CSMD1: variants seen among roughly 807,000 people sequenced by gnomAD.
CSMD1 encodes CUB and Sushi multiple domains 1.
Under a neutral mutation model 417.5 loss-of-function variants are expected in CSMD1, and 213 were observed. That is an observed-to-expected ratio of 0.51 (90% CI 0.46 to 0.57). CSMD1 has a LOEUF of 0.57. CSMD1 is among the 20% of genes least tolerant of loss of function. CSMD1 has a pLI of 0.00. For synonymous variants in CSMD1, 2,862 were observed against 1,736.8 expected (o/e 1.65, Z -16.11); for missense variants, 6,923 against 4,529.7 (o/e 1.53, Z -15.17).
chr8:4,042,407 C>T (rs780865420), intron 3 of CSMD1, among the ~76,000 whole-genome samples: 4 of 151,928 alleles, frequency 2.6e-5, no homozygotes, highest in African/African-American at 4.8e-5. Context: ...ACTGAAATAA[C>T]GAATAAGCAA....
intron 32 of CSMD1, among the ~76,000 whole-genome samples, chr8:3,201,189 C>T (rs1289043030): frequency 5.9e-5 from 9 of 152,050 alleles, no homozygotes; most frequent in Non-Finnish European, 1.3e-4. Flanking sequence ...CATGTGAACA[C>T]GTGTACATGT....
intron 39 of CSMD1, among the ~76,000 whole-genome samples, chr8:3,154,544 G>A (rs1819399902): frequency 6.6e-6 from 1 of 152,026 alleles, no homozygotes; most frequent in African/African-American, 2.4e-5. Context: ...TCTTGGTTTT[G>A]GCGGGAGAAA....
intron 23 of CSMD1, among the ~76,000 whole-genome samples, chr8:3,328,389 T>C (rs1231889227): frequency 1.3e-5 from 2 of 152,230 alleles, no homozygotes; most frequent in African/African-American, 4.8e-5. Context: ...TTACAGTTTA[T>C]CCACCTATCA....
At chr8:3,829,609 G>C (rs1023934495) in intron 5 of CSMD1, among the ~76,000 whole-genome samples, 4 of 152,132 alleles carry the variant, frequency 2.6e-5, no homozygotes, top group African/African-American at 9.7e-5. Context: ...CCCCTCAGGA[G>C]AGCTGAAGAA....
rs544080076 is a variant in CSMD1 at position 3,666,733 on chromosome 8, G to A, written c.1009+41681C>T. ...TATAAGGGGAAACCCCTTTGGCTTGGCTCTCATTCTGTCTTCTATGCCTCC... is the reference window on the plus strand; with the variant it reads ...TATAAGGGGAAACCCCTTTGGCTTGACTCTCATTCTGTCTTCTATGCCTCC... On this transcript the variant is annotated intron_variant, in intron 7 of 69. Coordinates refer to ENST00000635120, the MANE Select transcript of CSMD1 (RefSeq NM_033225.6). Among the ~76,000 whole-genome samples, 16 of 152,254 alleles carry A rather than the reference G, an allele frequency of 1.1e-4. 1 individual carries two copies. The South Asian group carries it at 2.7e-3, about 26-fold the overall frequency.
chr8:4,837,349 G>T (rs1006750604), intron 1 of CSMD1, among the ~76,000 whole-genome samples: 15 of 152,192 alleles, frequency 9.9e-5, no homozygotes, highest in Non-Finnish European at 1.9e-4. Context: ...AGCAACCTAA[G>T]TGTCCATCAA....
chr8:3,403,468 A>G (rs1241301413), intron 15 of CSMD1, among the ~76,000 whole-genome samples: 1 of 152,176 alleles, frequency 6.6e-6, no homozygotes. Context: ...GTAGACTTTT[A>G]ACATCTTTTC....
intron 1 of CSMD1, among the ~76,000 whole-genome samples, chr8:4,683,494 G>C (rs1806172873): frequency 6.6e-6 from 1 of 152,130 alleles, no homozygotes; most frequent in Admixed American, 6.5e-5. Flanking sequence ...GTGGACAACA[G>C]GGGAGGCTAT....
intron 3 of CSMD1, among the ~76,000 whole-genome samples, chr8:4,059,986 G>A (rs995830422): frequency 1.3e-5 from 2 of 152,128 alleles, no homozygotes; most frequent in South Asian, 2.1e-4. Context: ...CAGAGACACA[G>A]CCAAAAAAGA....
chr8:3,935,553 G>T (rs921608977), intron 5 of CSMD1, among the ~76,000 whole-genome samples: 1 of 152,100 alleles, frequency 6.6e-6, no homozygotes. Context: ...CAGGCTTCTA[G>T]GTATATGATT....
intron 3 of CSMD1, among the ~76,000 whole-genome samples, chr8:4,275,176 G>T (rs1335359423): frequency 1.3e-5 from 2 of 151,892 alleles, no homozygotes; most frequent in Non-Finnish European, 2.9e-5. Flanking sequence ...ATTTTCTGGG[G>T]TTTTTTCTTT....
chr8:4,178,719 C>T (rs1470202616), intron 3 of CSMD1, among the ~76,000 whole-genome samples: 1 of 152,158 alleles, frequency 6.6e-6, no homozygotes, highest in African/African-American at 2.4e-5. Flanking sequence ...AGCTGATAGG[C>T]AACTTCAGCA....
intron 8 of CSMD1, among the ~76,000 whole-genome samples, chr8:3,596,449 C>T (rs557166043): frequency 3.0e-4 from 46 of 152,204 alleles, no homozygotes; most frequent in South Asian, 6.2e-4. Flanking sequence ...CAGATGAGAA[C>T]GAGAGACTCA....
chr8:4,893,862 T>G (rs183981629), intron 1 of CSMD1, among the ~76,000 whole-genome samples: 107 of 152,208 alleles, frequency 7.0e-4, no homozygotes, highest in Admixed American at 1.8e-3. Context: ...CTTACCCCTT[T>G]TTTCCCCAAA....
At chr8:3,935,834 C>G (rs1196430496) in intron 5 of CSMD1, among the ~76,000 whole-genome samples, 4 of 152,112 alleles carry the variant, frequency 2.6e-5, no homozygotes, top group African/African-American at 7.2e-5. Context: ...TCACATGTCT[C>G]TATCACTTTA....
At chr8:3,516,583 G>A (rs1585288995) in intron 10 of CSMD1, among the ~76,000 whole-genome samples, 3 of 152,176 alleles carry the variant, frequency 2.0e-5, no homozygotes, top group South Asian at 2.1e-4. Context: ...AGTGGCCACA[G>A]AAATTTACTC....
chr8:3,839,727 C>G (rs1802992675), intron 5 of CSMD1, among the ~76,000 whole-genome samples: 1 of 149,938 alleles, frequency 6.7e-6, no homozygotes, highest in Admixed American at 6.8e-5. Context: ...CTTTAAAGCA[C>G]TTCGCTTGCT....
At chr8:4,197,611 G>T (rs151142716) in intron 3 of CSMD1, among the ~76,000 whole-genome samples, 1 of 152,312 alleles carries the variant, frequency 6.6e-6, no homozygotes, top group African/African-American at 2.4e-5. Flanking sequence ...GGACATGGTG[G>T]CTCATGCCTG....
chr8:3,490,288 T>C (rs867363091), intron 11 of CSMD1, among the ~76,000 whole-genome samples: 2 of 152,320 alleles, frequency 1.3e-5, no homozygotes, highest in Middle Eastern at 6.8e-3. Flanking sequence ...ATTCAAGCTA[T>C]TGAGAGAAGG....
Sources: allele counts gnomAD v4.1 joint callset (sites outside exome capture counted in the v4.1 genomes callset), GRCh38; gene constraint gnomAD v4.1.1; transcripts MANE v1.5; gene names NCBI Gene and HGNC (gene_info 2026-07-23, HGNC 2026-07-21).